The following QARS1 variants were observed in gnomAD, a reference collection of about 807,000 sequenced individuals.
QARS1 encodes glutaminyl-tRNA synthetase 1.
In QARS1, 79 loss-of-function variants were observed where a neutral mutation model predicts 106.9. The ratio of observed to expected loss-of-function variants is 0.74; its 90% CI spans 0.62 to 0.89. The LOEUF is 0.89. QARS1 is among the 40% of genes least tolerant of loss of function. QARS1 has a pLI of 0.00. For synonymous variants in QARS1, 395 were observed against 367.7 expected (o/e 1.07, Z -0.85); for missense variants, 966 against 997.2 (o/e 0.97, Z 0.42).
intron 3 of QARS1, 27 bp downstream of exon 3, chr3:49,103,836 G>A: frequency 6.2e-7 from 1 of 1,608,228 alleles, no homozygotes; most frequent in Non-Finnish European, 8.5e-7. Flanking sequence ...GACTGGGGAG[G>A]CAGACGATGC....
rs990777098 is a variant in QARS1 at position 49,099,333 on chromosome 3, C to T, written c.1614+11G>A. The stretch of plus-strand genomic sequence containing the variant: ...ACCCCCAATGTATCTACCCAACCTG[C>T]TGGGCTATACCCGGGCACAGAAGTT... On this transcript the variant is annotated intron_variant, in intron 17 of 23. Transcript: ENST00000306125. 4 of 1,614,094 alleles carry T rather than the reference C, an allele frequency of 2.5e-6. No homozygotes were observed. Among genetic ancestry groups the T allele is most frequent in the South Asian group, 2.2e-5 (2 of 91,090 alleles).
Position 49,103,865 on chromosome 3 carries a change from C to A in QARS1, c.373G>T (p.Ala125Ser), listed in dbSNP as rs778120776. Residue 125 changes from alanine to serine, a missense_variant and splice_region_variant, in exon 3 of 24, where the codon GCT (alanine) becomes TCT (serine). By Grantham distance (99) the Ala-to-Ser change is moderately conservative (BLOSUM62 1). Transcript: ENST00000306125. ...VIVTPEQIEE[A>S]VEAAINRHRP... The stretch of plus-strand genomic sequence containing the variant: ...ACGATGCCTGGGGAAAGACTCACAG[C>A]CTCCTCAATCTGCTCTGGGGTCACA... 6.2e-7 allele frequency: 1 copy of A among 1,613,914 alleles called. No homozygotes were observed. The highest frequency in any genetic ancestry group is 8.5e-7 in the Non-Finnish European group (1 of 1,179,874).
At chr3:49,104,257 G>A (rs2042508948) in intron 2 of QARS1, 67 bp downstream of exon 2, 29 of 1,589,410 alleles carry the variant, frequency 1.8e-5, no homozygotes, top group Non-Finnish European at 2.5e-5. Context: ...TTGGCAAAAA[G>A]GGAAGACAGG....
chr3:49,099,012 G>A (rs2042430029), intron 18 of QARS1, 23 bp from the exon 19 acceptor site: 1 of 1,612,556 alleles, frequency 6.2e-7, no homozygotes, highest in Non-Finnish European at 8.5e-7. Flanking sequence ...ACAGGAGACA[G>A]GTATGAGTCA....
Position 49,102,279 on chromosome 3 carries a change from CAGGTGCTTCA to C in QARS1, c.571-24_571-15del, listed in dbSNP as rs768669621. 5 of 1,614,228 alleles carry C rather than the reference CAGGTGCTTCA, an allele frequency of 3.1e-6. No individual in the cohort carries two copies. In the South Asian group the frequency reaches 5.5e-5, roughly 18 times the overall value. ...AGCTTTTGCCACCTGAAAGAAGCCC[CAGGTGCTTCA>C]GAAAATGGCATCAAATTTTCTCTTG... On this transcript the variant is annotated splice_polypyrimidine_tract_variant and intron_variant, in intron 6 of 23. Transcript: ENST00000306125.
At chr3:49,103,236 G>A in intron 5 of QARS1, 109 bp downstream of exon 5, 1 of 1,188,162 alleles carries the variant, frequency 8.4e-7, no homozygotes, top group South Asian at 1.2e-5. Context: ...GGGATCAGAA[G>A]CGTGAGCCAC....
intron 5 of QARS1, chr3:49,102,719 G>A: frequency 1.7e-6 from 1 of 575,866 alleles, no homozygotes; most frequent in Non-Finnish European, 3.3e-6. Context: ...TCCGCTCACT[G>A]CAACCTCCGC....
rs777671697 is a variant in QARS1, at chr3:49,099,127, T to C, written c.1741A>G (p.Asn581Asp). 5.9e-5 allele frequency: 96 copies of C among 1,613,992 alleles called. No homozygotes were observed. Among genetic ancestry groups the C allele is most frequent in the Non-Finnish European group, 7.9e-5 (93 of 1,180,018 alleles). Residue 581 changes from asparagine (N) to aspartate (D), a missense_variant, in exon 18 of 24, where the codon AAC becomes GAC. Physicochemically the swap from Asn to Asp is conservative, Grantham distance 23. Coordinates refer to ENST00000306125, the MANE Select transcript of QARS1 (RefSeq NM_005051.3). ...AGGCCCACCTTGGCAGCAGGAAAGT[T>C]GGTGATGATGACCCGTAGTGACTCC... ...VLESLRVIITNFPAAKSLDIQ... is the reference protein window; with the variant it reads ...VLESLRVIITDFPAAKSLDIQ...
Position 49,104,699 on chromosome 3 carries a change from C to T in QARS1, c.35G>A (p.Ser12Asn), listed in dbSNP as rs1333683203. 3.1e-6 allele frequency: 5 copies of T among 1,612,636 alleles called. No individual in the cohort carries two copies. Among genetic ancestry groups the T allele is most frequent in the Non-Finnish European group, 4.2e-6 (5 of 1,179,330 alleles). The change falls in exon 1 of 24, where the codon AGC (serine) becomes AAC (asparagine). Residue 12 changes from serine to asparagine, a missense_variant. Coordinates refer to ENST00000306125, the MANE Select transcript of QARS1 (RefSeq NM_005051.3). The part of the protein sequence containing the change: ...AALDSLSLFT[S>N]LGLSEQKARE... ...GGCCTTCTGCTCGCTCAGGCCGAGG[C>T]TAGTGAAGAGCGACAGGGAGTCTAG...
chr3:49,098,860 G>A (rs775428182), intron 19 of QARS1, 25 bp downstream of exon 19: 31 of 1,584,812 alleles, frequency 2.0e-5, no homozygotes, highest in Non-Finnish European at 2.3e-5. Flanking sequence ...AGCAGCAAAC[G>A]GGACCCTCCA....
chr3:49,102,275 GC>G lies in QARS1; in HGVS notation c.571-11del, dbSNP rs747099336. 1 of 1,614,172 alleles carries G rather than the reference GC, an allele frequency of 6.2e-7. No homozygotes were observed. Among genetic ancestry groups the G allele is most frequent in the Non-Finnish European group, 8.5e-7 (1 of 1,180,026 alleles). On this transcript the variant is annotated splice_polypyrimidine_tract_variant and intron_variant, in intron 6 of 23. Coordinates refer to ENST00000306125, the MANE Select transcript of QARS1 (RefSeq NM_005051.3). ...GCCGAGCTTTTGCCACCTGAAAGAA[GC>G]CCCAGGTGCTTCAGAAAATGGCATC... is the stretch of plus-strand genomic sequence containing the variant.
Position 49,101,697 on chromosome 3 carries a change from A to G in QARS1, c.712T>C (p.Tyr238His). The change falls in exon 9 of 24, where the codon TAC (tyrosine) becomes CAC (histidine). Residue 238 changes from tyrosine (Y) to histidine (H), a missense_variant. Transcript: ENST00000306125. ...GTGACCACATAGCCTGGGGTCTTGT[A>G]GTTCTCACCTGCCAGGACCAGAATA... ...ALKFHKPGEN[Y>H]KTPGYVVTPH... The G allele has an allele frequency of 6.2e-7, 1 of 1,614,126 alleles. No individual in the cohort carries two copies. Among genetic ancestry groups the G allele is most frequent in the South Asian group, 1.1e-5 (1 of 91,086 alleles).
At chr3:49,100,745 G>C (rs762797693) in intron 10 of QARS1, 71 bp from the exon 11 acceptor site, 1 of 1,231,642 alleles carries the variant, frequency 8.1e-7, no homozygotes, top group South Asian at 1.2e-5. Context: ...ATCAAACTAG[G>C]ATATTCACAG....
At chr3:49,099,718 G>A (rs994200562) in intron 15 of QARS1, 43 bp downstream of exon 15, 1 of 1,613,492 alleles carries the variant, frequency 6.2e-7, no homozygotes, top group Middle Eastern at 1.6e-4. Flanking sequence ...AGGGCTGCTG[G>A]AATTCCACTG....
intron 19 of QARS1, 63 bp from the exon 20 acceptor site, chr3:49,098,755 C>T (rs923095926): frequency 6.6e-7 from 1 of 1,508,940 alleles, no homozygotes; most frequent in African/African-American, 1.4e-5. Context: ...GGGAAGCTTC[C>T]CTACCCCCGT....
Position 49,099,190 on chromosome 3 carries a change from C to T in QARS1, c.1678G>A (p.Val560Met). The T allele has an allele frequency of 1.2e-6, 2 of 1,614,178 alleles. No homozygotes were observed. The highest frequency in any genetic ancestry group is 1.6e-4 in the Middle Eastern group (1 of 6,062). The change falls in exon 18 of 24, where the codon GTG (valine) becomes ATG (methionine). Residue 560 changes from valine to methionine, a missense_variant. Val to Met is a conservative substitution (Grantham distance 21). Coordinates refer to ENST00000306125, the MANE Select transcript of QARS1 (RefSeq NM_005051.3). Reference sequence around the variant, plus strand: ...GCTCGTGGGGCTGTGTCATTCAGCACATCACGCACACAGGCTTCTAGAAGA... The same window carrying T: ...GCTCGTGGGGCTGTGTCATTCAGCATATCACGCACACAGGCTTCTAGAAGA... Reference protein sequence around the residue: ...PHLLEACVRDVLNDTAPRAMA... With the variant: ...PHLLEACVRDMLNDTAPRAMA...
chr3:49,099,468 C>T (rs1317260226), intron 16 of QARS1, 37 bp from the exon 17 acceptor site: 17 of 1,614,202 alleles, frequency 1.1e-5, no homozygotes, highest in South Asian at 3.3e-5. Flanking sequence ...CCTTTGGGAG[C>T]ATATGCCATT....
At chr3:49,096,365 A>T (rs1380026688) in intron 23 of QARS1, among the ~76,000 whole-genome samples, 2 of 152,214 alleles carry the variant, frequency 1.3e-5, no homozygotes, top group Non-Finnish European at 2.9e-5. Flanking sequence ...TACTTTAAGG[A>T]GTAAGAAAGA....
intron 2 of QARS1, 53 bp from the exon 3 acceptor site, chr3:49,104,025 A>C: frequency 6.7e-7 from 1 of 1,492,438 alleles, no homozygotes; most frequent in Admixed American, 1.8e-5. Flanking sequence ...AGAAGTGGAC[A>C]GACAGGGTCC....
Sources: allele counts gnomAD v4.1 joint callset (sites outside exome capture counted in the v4.1 genomes callset), GRCh38; gene constraint gnomAD v4.1.1; transcripts MANE v1.5; gene names NCBI Gene and HGNC (gene_info 2026-07-23, HGNC 2026-07-21).